The following KLC1 variants were observed in gnomAD, a reference collection of about 807,000 sequenced individuals.
The protein encoded by KLC1 is kinesin light chain 1, also known as kinesin 2 60/70kDa.
Under a neutral mutation model 84.2 loss-of-function variants are expected in KLC1, and 30 were observed. That is an observed-to-expected ratio of 0.36 (90% CI 0.27 to 0.48). KLC1 has a LOEUF of 0.48. Ranked by LOEUF, KLC1 falls within the 20% of genes least tolerant of loss-of-function variation. The pLI, the probability that KLC1 is intolerant of heterozygous loss-of-function variation, is 0.99. For synonymous variants in KLC1, 289 were observed against 293.3 expected (o/e 0.99, Z 0.15); for missense variants, 499 against 805.4 (o/e 0.62, Z 4.60).
intron 5 of KLC1, among the ~76,000 whole-genome samples, chr14:103,666,612 T>TC (rs1231028221): frequency 6.6e-6 from 1 of 151,614 alleles, no homozygotes; most frequent in African/African-American, 2.4e-5. Flanking sequence ...TTTTTTTTTT[T>TC]CTGAAACGAA....
chr14:103,669,632 T>A, intron 6 of KLC1, 34 bp downstream of exon 6: 1 of 1,327,618 alleles, frequency 7.5e-7, no homozygotes, highest in Non-Finnish European at 1.1e-6. Context: ...TCTTTTAATA[T>A]TTTATTTTCC....
intron 12 of KLC1, among the ~76,000 whole-genome samples, chr14:103,677,831 C>A (rs146018069): frequency 6.6e-6 from 1 of 151,678 alleles, no homozygotes; most frequent in East Asian, 1.9e-4. Context: ...TGGTGGCACA[C>A]GCCTGTAATC....
In KLC1 at chr14:103,662,212, C is replaced by G; in HGVS notation, c.571+18C>G. 6.3e-7 allele frequency: 1 copy of G among 1,584,740 alleles called. No individual in the cohort carries two copies. The highest frequency in any genetic ancestry group is 8.7e-7 in the Non-Finnish European group (1 of 1,153,156). ...GCAAGGAAGTGAGTGATGGGTGATG[C>G]AGGCATGTTACCGAGTGCAGAAGAG... On this transcript the variant is annotated intron_variant, in intron 4 of 16. Coordinates refer to ENST00000334553, the MANE Select transcript of KLC1 (RefSeq NM_001394837.1).
intron 1 of KLC1, among the ~76,000 whole-genome samples, chr14:103,631,417 C>T (rs891910135): frequency 2.0e-5 from 3 of 152,022 alleles, no homozygotes; most frequent in Admixed American, 6.6e-5. Context: ...CATTCTTAGG[C>T]ATGTTTCTCA....
In KLC1 at chr14:103,693,754, G is replaced by T. The variant is rs1057129; in HGVS notation, c.1848+1329G>T. ...TAGATAGTGACGTCCACCAACCTTG[G>T]AGGTGCCTTTTCAAAACACCCGGGA... On this transcript the variant is annotated intron_variant, in intron 15 of 16. Coordinates refer to ENST00000334553, the MANE Select transcript of KLC1 (RefSeq NM_001394837.1). The surrounding 1 kb of genome is among the most constrained non-coding windows in gnomAD (Gnocchi z 5.1). 1 of 1,434,884 alleles carries T rather than the reference G, an allele frequency of 7.0e-7. No homozygotes were observed. Among genetic ancestry groups the T allele is most frequent in the Non-Finnish European group, 9.1e-7 (1 of 1,098,186 alleles). The allele number at this position is 1,434,884 out of a possible 1,614,324, so 88.9% of individuals were successfully genotyped here.
chr14:103,691,112 AGACTGAAGGCAGAGCCTCT>A (rs1307620294), intron 14 of KLC1, among the ~76,000 whole-genome samples: 9 of 151,272 alleles, frequency 5.9e-5, no homozygotes, highest in Middle Eastern at 3.5e-3. Context: ...GAAAAGCATC[AGACTGAAGGCAGAGCCTCT>A]CTGCTCCCAG....
Position 103,693,661 on chromosome 14 carries a change from G to T in KLC1, c.1848+1236G>T. 3 of 1,529,838 alleles carry T rather than the reference G, an allele frequency of 2.0e-6. No homozygotes were observed. Among genetic ancestry groups the T allele is most frequent in the East Asian group, 2.5e-5 (1 of 40,636 alleles). 94.8% of individuals were successfully genotyped at this position (1,529,838 alleles called of 1,614,324 possible). On this transcript the variant is annotated intron_variant, in intron 15 of 16. Coordinates refer to ENST00000334553, the MANE Select transcript of KLC1 (RefSeq NM_001394837.1). The surrounding 1 kb of genome is among the most constrained non-coding windows in gnomAD (Gnocchi z 5.1). The stretch of plus-strand genomic sequence containing the variant: ...TAACCTGTCTTGGGAGTGTGAGACC[G>T]CCCCGCCCTGCCACGCCCCTCACCG...
chr14:103,699,517 A>G, intron 15 of KLC1: 2 of 1,613,246 alleles, frequency 1.2e-6, no homozygotes, highest in Non-Finnish European at 1.7e-6. Context: ...CCACCAGGCG[A>G]GCCATGCCCC....
chr14:103,689,777 G>A (rs1368114574), intron 14 of KLC1, among the ~76,000 whole-genome samples: 2 of 152,220 alleles, frequency 1.3e-5, no homozygotes, highest in African/African-American at 2.4e-5. Context: ...AATGCCACGT[G>A]TTCAAACAAG....
chr14:103,699,681 A>T, intron 15 of KLC1: 1 of 1,115,202 alleles, frequency 9.0e-7, no homozygotes. Flanking sequence ...CTTCCTACCC[A>T]CCTGGGGCTC....
At chr14:103,638,816 G>T (rs959496239) in intron 1 of KLC1, among the ~76,000 whole-genome samples, 2 of 152,002 alleles carry the variant, frequency 1.3e-5, no homozygotes, top group East Asian at 3.9e-4. Context: ...GAGCACAGTG[G>T]TGTGTGTATG....
intron 11 of KLC1, 103 bp downstream of exon 11, chr14:103,675,859 A>G (rs980444677): frequency 2.1e-5 from 19 of 886,148 alleles, no homozygotes; most frequent in Admixed American, 4.3e-5. Flanking sequence ...GTGTTCCTTA[A>G]GTGCACAGTC....
At chr14:103,665,975 A>G (rs2079755919) in intron 5 of KLC1, among the ~76,000 whole-genome samples, 1 of 151,290 alleles carries the variant, frequency 6.6e-6, no homozygotes, top group African/African-American at 2.4e-5. Flanking sequence ...TCCTTCTGTG[A>G]ATTTCCTGTT....
chr14:103,667,488 G>C (rs970302373), intron 5 of KLC1, among the ~76,000 whole-genome samples: 4 of 151,850 alleles, frequency 2.6e-5, no homozygotes, highest in African/African-American at 9.7e-5. Flanking sequence ...GGTGCATGTC[G>C]CCAGGCCTGG....
At position 103,694,601 on chromosome 14, in the gene KLC1, G is replaced by A. The variant is rs974269997; in HGVS notation, c.1848+2176G>A. The A allele has an allele frequency of 1.0e-6, 1 of 985,498 alleles. No homozygotes were observed. The highest frequency in any genetic ancestry group is 1.2e-6 in the Non-Finnish European group (1 of 829,948). The allele number at this position is 985,498 out of a possible 1,614,324, so 61.0% of individuals were successfully genotyped here. On this transcript the variant is annotated intron_variant, in intron 15 of 16. Transcript: ENST00000334553. The surrounding 1 kb of genome is among the most constrained non-coding windows in gnomAD (Gnocchi z 4.5). Reference sequence around the variant, plus strand: ...GAGCATACAAAACAGACGCCGAGGTGATCAGTGATTCCAAAGGCTGACGCT... The same window carrying A: ...GAGCATACAAAACAGACGCCGAGGTAATCAGTGATTCCAAAGGCTGACGCT...
chr14:103,678,029 C>G (rs1277657350), intron 12 of KLC1, among the ~76,000 whole-genome samples: 1 of 149,314 alleles, frequency 6.7e-6, no homozygotes, highest in Non-Finnish European at 1.5e-5. Flanking sequence ...AATCCCAGCA[C>G]TTTGGGAGGC....
At chr14:103,660,802 C>CAATAAATA (rs147358285) in intron 3 of KLC1, among the ~76,000 whole-genome samples, 24 of 151,120 alleles carry the variant, frequency 1.6e-4, no homozygotes, top group Non-Finnish European at 1.5e-4. Flanking sequence ...GAAAAACAAG[C>CAATAAATA]AATAAATAAA....
At chr14:103,665,418 T>C (rs2079686338) in intron 5 of KLC1, among the ~76,000 whole-genome samples, 1 of 152,056 alleles carries the variant, frequency 6.6e-6, no homozygotes. Context: ...TTCTGTCTTG[T>C]CTTGTCTTGT....
intron 14 of KLC1, among the ~76,000 whole-genome samples, chr14:103,691,765 TTTTTGTTTCG>T (rs1258598244): frequency 6.6e-6 from 1 of 151,844 alleles, no homozygotes; most frequent in Non-Finnish European, 1.5e-5. Context: ...GCTGGTCTTT[TTTTTGTTTCG>T]TTTTGTTTTA....
Sources: allele counts gnomAD v4.1 joint callset (sites outside exome capture counted in the v4.1 genomes callset), GRCh38; gene constraint gnomAD v4.1.1; non-coding constraint Gnocchi (gnomAD v3.1); transcripts MANE v1.5; gene names NCBI Gene and HGNC (gene_info 2026-07-23, HGNC 2026-07-21).